MAPK14: variants seen among roughly 807,000 people sequenced by gnomAD.
MAPK14 encodes the protein CSAID-binding protein.
MAPK14 carries 16 observed loss-of-function variants against 49.6 expected under a neutral mutation model. The observed-to-expected ratio is 0.32, with a 90% confidence interval of 0.22 to 0.49. The LOEUF (loss-of-function observed/expected upper bound fraction) is 0.49, where lower values mean the gene tolerates loss of function less well. Among genes scored for constraint, MAPK14 ranks in the 20% least tolerant of loss-of-function variants. The pLI, the probability that MAPK14 is intolerant of heterozygous loss-of-function variation, is 0.99. For missense variants in MAPK14, 200 were observed against 441.2 expected (o/e 0.45, Z 4.90); for synonymous variants, 142 against 158.0 (o/e 0.90, Z 0.76).
chr6:36,103,440 A>G (rs1765702901), intron 10 of MAPK14, among the ~76,000 whole-genome samples: 1 of 152,034 alleles, frequency 6.6e-6, no homozygotes, highest in African/African-American at 2.4e-5. Context: ...CCTGGGCTCC[A>G]GTGATCCTCC....
intron 7 of MAPK14, 134 bp from the exon 8 acceptor site, chr6:36,076,403 A>C: frequency 1.5e-6 from 1 of 681,916 alleles, no homozygotes; most frequent in Non-Finnish European, 2.6e-6. Context: ...TTCTGTAAAA[A>C]TGAGTATGAT....
chr6:36,088,498 G>A (rs368765260), intron 8 of MAPK14, among the ~76,000 whole-genome samples: 12 of 152,240 alleles, frequency 7.9e-5, no homozygotes, highest in African/African-American at 2.2e-4. Context: ...TGAGGCAGGT[G>A]GATCACGAGG....
intron 8 of MAPK14, among the ~76,000 whole-genome samples, chr6:36,080,234 G>A (rs1226631224): frequency 6.6e-6 from 1 of 152,092 alleles, no homozygotes; most frequent in East Asian, 1.9e-4. Flanking sequence ...ACTGCACCCG[G>A]CCCCATTTTA....
downstream of MAPK14, among the ~76,000 whole-genome samples, chr6:36,111,794 A>G (rs916265401): frequency 3.9e-5 from 6 of 152,140 alleles, no homozygotes; most frequent in Admixed American, 3.9e-4. Context: ...GCAGCTGGGA[A>G]TGAAGGCAGT....
At chr6:36,079,879 A>G (rs1206694440) in intron 8 of MAPK14, among the ~76,000 whole-genome samples, 1 of 152,194 alleles carries the variant, frequency 6.6e-6, no homozygotes, top group Non-Finnish European at 1.5e-5. Flanking sequence ...AAATGTAGCT[A>G]GTTTAACTTG....
Position 36,093,373 on chromosome 6 carries a change from G to A in MAPK14, c.683-2614G>A, listed in dbSNP as rs1765315220. 2.6e-5 allele frequency among the ~76,000 whole-genome samples: 4 copies of A among 152,218 alleles called. No homozygotes were observed. In the South Asian group the frequency reaches 8.3e-4, roughly 32 times the overall value. On this transcript the variant is annotated intron_variant, in intron 8 of 11. Transcript: ENST00000229794. ...TCAGGTAGGTTGGGGTGAAGTTCAGGTAGTTGAGAAATTCACAGCTCAGAG... is the reference window on the plus strand; with the variant it reads ...TCAGGTAGGTTGGGGTGAAGTTCAGATAGTTGAGAAATTCACAGCTCAGAG...
chr6:36,045,808 C>CA (rs371920281), intron 1 of MAPK14, among the ~76,000 whole-genome samples: 7,267 of 45,946 alleles, frequency 0.16, 551 homozygotes, highest in Non-Finnish European at 0.19. Flanking sequence ...GACTCTGTCT[C>CA]AAAAAAAAAA....
Position 36,108,602 on chromosome 6 carries a change from GCA to G in MAPK14, c.*156_*157del. ...CGTGTGCGTGCGTGTTAGTGTGTGT[GCA>G]TGTGTGTGTCTGTCTTTGTGGGAGG... is the stretch of plus-strand genomic sequence containing the variant. On this transcript the variant is annotated 3_prime_UTR_variant, in exon 12 of 12. Transcript: ENST00000229794. The G allele has an allele frequency of 1.5e-6, 1 of 650,328 alleles. No individual in the cohort carries two copies. The highest frequency in any genetic ancestry group is 2.8e-6 in the Non-Finnish European group (1 of 357,526). The allele number at this position is 650,328 out of a possible 1,614,324, so 40.3% of individuals were successfully genotyped here.
chr6:36,111,572 G>C (rs2127479884), downstream of MAPK14, among the ~76,000 whole-genome samples: 1 of 152,280 alleles, frequency 6.6e-6, no homozygotes, highest in South Asian at 2.1e-4. Flanking sequence ...GTCTTAGCTG[G>C]CTACGGTCCT....
At chr6:36,069,397 G>C (rs1332553048) in intron 3 of MAPK14, among the ~76,000 whole-genome samples, 1 of 152,108 alleles carries the variant, frequency 6.6e-6, no homozygotes. Flanking sequence ...TTCTATATGG[G>C]AGTTAGAATG....
At chr6:36,054,506 T>A (rs979479693) in intron 2 of MAPK14, among the ~76,000 whole-genome samples, 1 of 152,222 alleles carries the variant, frequency 6.6e-6, no homozygotes, top group African/African-American at 2.4e-5. Context: ...GTCTTTTTTT[T>A]ATATAAAGAT....
chr6:36,031,263 C>T (rs1392733082), intron 1 of MAPK14, among the ~76,000 whole-genome samples: 1 of 152,180 alleles, frequency 6.6e-6, no homozygotes, highest in African/African-American at 2.4e-5. Context: ...ATCTGCTCTC[C>T]TTGGCCTCCC....
chr6:36,124,099 CTCTT>C, the MAPK14 span, among the ~76,000 whole-genome samples: 19 of 107,374 alleles, frequency 1.8e-4, no homozygotes, highest in Admixed American at 9.9e-4. Flanking sequence ...TTTCTTGTCT[CTCTT>C]TCTCTCTCTC....
chr6:36,076,102 A>ATAT (rs1764521510), intron 7 of MAPK14, 140 bp downstream of exon 7: 1 of 852,868 alleles, frequency 1.2e-6, no homozygotes, highest in Non-Finnish European at 1.8e-6. Flanking sequence ...GCAAGTAAAA[A>ATAT]TATTTCACTT....
At chr6:36,100,401 C>T in intron 9 of MAPK14, 2 of 680,724 alleles carry the variant, frequency 2.9e-6, no homozygotes, top group South Asian at 3.3e-5. Context: ...TGTGCTATTG[C>T]AAGATGTTGA....
chr6:36,040,027 A>C (rs1186247705), intron 1 of MAPK14, among the ~76,000 whole-genome samples: 2 of 151,650 alleles, frequency 1.3e-5, no homozygotes, highest in African/African-American at 4.8e-5. Flanking sequence ...GTATCAGTCC[A>C]GAGGAGACAT....
At chr6:36,070,219 TA>T (rs1466690990) in intron 3 of MAPK14, among the ~76,000 whole-genome samples, 1 of 152,228 alleles carries the variant, frequency 6.6e-6, no homozygotes, top group Non-Finnish European at 1.5e-5. Flanking sequence ...TAAAGAGTTT[TA>T]AAAAGGTCAT....
chr6:36,055,961 G>T (rs917094766), intron 2 of MAPK14, among the ~76,000 whole-genome samples: 15 of 151,968 alleles, frequency 9.9e-5, no homozygotes, highest in South Asian at 2.1e-4. Context: ...ATTTAGCATG[G>T]GTAGTTTTAA....
At chr6:36,079,026 C>A (rs1321359285) in intron 8 of MAPK14, among the ~76,000 whole-genome samples, 1 of 152,200 alleles carries the variant, frequency 6.6e-6, no homozygotes, top group Non-Finnish European at 1.5e-5. Flanking sequence ...TAGTTTGCAG[C>A]TAGTGTTGAG....
Sources: gnomAD v4.1 joint callset for allele counts (sites outside exome capture counted in the v4.1 genomes callset) on GRCh38, gnomAD v4.1.1 for gene constraint, MANE v1.5 for transcripts, NCBI Gene and HGNC (gene_info 2026-07-23, HGNC 2026-07-21) for gene names.